PDE1C: variants seen among roughly 807,000 people sequenced by gnomAD.
The protein encoded by PDE1C is phosphodiesterase 1C.
Under a neutral mutation model 93.1 loss-of-function variants are expected in PDE1C, and 62 were observed. The ratio of observed to expected loss-of-function variants is 0.67; its 90% confidence interval spans 0.54 to 0.82. The LOEUF is 0.82. PDE1C is among the 40% of genes least tolerant of loss of function. The pLI is 0.00. For synonymous variants in PDE1C, 325 were observed against 310.1 expected (o/e 1.05, Z -0.50); for missense variants, 742 against 884.6 (o/e 0.84, Z 2.04).
intron 2 of PDE1C, among the ~76,000 whole-genome samples, chr7:32,192,004 G>A (rs73104570): frequency 0.099 from 15,005 of 151,794 alleles, 871 homozygotes; most frequent in South Asian, 0.18. Context: ...ATTTGCCATC[G>A]GTATATTTTC....
At chr7:32,145,969 G>A (rs6958392) in intron 3 of PDE1C, among the ~76,000 whole-genome samples, 1,860 of 152,228 alleles carry the variant, frequency 0.012, 37 homozygotes, top group African/African-American at 0.043. Context: ...TTATCTGCGG[G>A]CCTTTAGATT....
At chr7:32,407,105 C>T (rs1303087122) in intron 1 of PDE1C, among the ~76,000 whole-genome samples, 1 of 152,154 alleles carries the variant, frequency 6.6e-6, no homozygotes, top group Non-Finnish European at 1.5e-5. Flanking sequence ...GAAACCCTGC[C>T]TCTACTAAAA....
chr7:32,321,303 A>C (rs1196330942), intron 1 of PDE1C, among the ~76,000 whole-genome samples: 1 of 152,248 alleles, frequency 6.6e-6, no homozygotes, highest in Admixed American at 6.5e-5. Context: ...GATGAGTTTC[A>C]AAAGGAAGAA....
At chr7:31,648,702 C>A in the PDE1C span, among the ~76,000 whole-genome samples, 1 of 152,190 alleles carries the variant, frequency 6.6e-6, no homozygotes, top group Non-Finnish European at 1.5e-5. Flanking sequence ...GTCCCCAGAA[C>A]TTTGAAGTGA....
intron 9 of PDE1C, among the ~76,000 whole-genome samples, chr7:31,839,034 TAC>T (rs1019981096): frequency 2.0e-5 from 3 of 148,386 alleles, no homozygotes; most frequent in Non-Finnish European, 4.5e-5. Flanking sequence ...ATATATTATA[TAC>T]ACATATATTT....
intron 1 of PDE1C, among the ~76,000 whole-genome samples, chr7:32,067,882 T>G (rs965486908): frequency 2.0e-5 from 3 of 152,240 alleles, no homozygotes; most frequent in Admixed American, 6.5e-5. Context: ...ATCTACTATG[T>G]GCTAAATGCT....
At chr7:32,140,717 T>A (rs1800473392) in intron 3 of PDE1C, among the ~76,000 whole-genome samples, 1 of 152,158 alleles carries the variant, frequency 6.6e-6, no homozygotes, top group Admixed American at 6.6e-5. Flanking sequence ...GCACACCTTT[T>A]ACCCACTTCC....
intron 2 of PDE1C, among the ~76,000 whole-genome samples, chr7:31,893,224 T>C (rs1798863229): frequency 6.6e-6 from 1 of 152,142 alleles, no homozygotes; most frequent in South Asian, 2.1e-4. Context: ...TTCCAATAAG[T>C]AGGAAAACAA....
chr7:31,624,955 G>A, the PDE1C span, among the ~76,000 whole-genome samples: 1 of 152,140 alleles, frequency 6.6e-6, no homozygotes, highest in African/African-American at 2.4e-5. Flanking sequence ...ATCAAAAAGT[G>A]GGCAAAGGAC....
At chr7:32,024,396 C>CAT (rs914035304) in intron 2 of PDE1C, among the ~76,000 whole-genome samples, 2 of 147,464 alleles carry the variant, frequency 1.4e-5, no homozygotes, top group African/African-American at 5.3e-5. Flanking sequence ...TCTCAATATA[C>CAT]ATATGTGTGT....
intron 3 of PDE1C, among the ~76,000 whole-genome samples, chr7:32,119,722 G>T (rs995651090): frequency 6.6e-6 from 1 of 152,124 alleles, no homozygotes. Context: ...CAAGGCCGGC[G>T]GTGAGTGAGC....
intron 2 of PDE1C, among the ~76,000 whole-genome samples, chr7:32,190,663 T>C (rs369607147): frequency 1.4e-3 from 208 of 152,276 alleles, no homozygotes; most frequent in African/African-American, 4.9e-3. Flanking sequence ...TCAGTCCAAT[T>C]AAACAAACAT....
intron 1 of PDE1C, among the ~76,000 whole-genome samples, chr7:32,307,744 C>T (rs979629384): frequency 4.6e-5 from 7 of 152,232 alleles, no homozygotes; most frequent in African/African-American, 1.2e-4. Flanking sequence ...AAAGCGGGCC[C>T]GAGGTGGAGC....
At chr7:31,749,739 T>G (rs537646744), downstream of PDE1C, among the ~76,000 whole-genome samples, 5,032 of 144,570 alleles carry the variant, frequency 0.035, 140 homozygotes, top group African/African-American at 0.066. Flanking sequence ...TGTCTAATTT[T>G]TTTTTTTTTT....
intron 2 of PDE1C, among the ~76,000 whole-genome samples, chr7:32,005,576 A>AC (rs1786111382): frequency 6.9e-6 from 1 of 145,292 alleles, no homozygotes; most frequent in South Asian, 2.2e-4. Context: ...AAAAAAAAAA[A>AC]AAAAAGAATT....
At chr7:32,301,833 T>C (rs1362944099), upstream of PDE1C, among the ~76,000 whole-genome samples, 1 of 152,262 alleles carries the variant, frequency 6.6e-6, no homozygotes, top group Non-Finnish European at 1.5e-5. Context: ...GAGCAGGATT[T>C]GACAAATTAA....
intron 2 of PDE1C, among the ~76,000 whole-genome samples, chr7:31,922,743 G>A (rs184141664): frequency 6.6e-6 from 1 of 152,016 alleles, no homozygotes; most frequent in East Asian, 1.9e-4. Flanking sequence ...GAGAAACAGT[G>A]GAAGAAACAA....
chr7:31,638,812 TG>T, the PDE1C span, among the ~76,000 whole-genome samples: 3 of 152,230 alleles, frequency 2.0e-5, no homozygotes, highest in Non-Finnish European at 4.4e-5. Flanking sequence ...AGACTTGCTC[TG>T]TCGCCCAGGC....
At chr7:31,892,006 ACT>A (rs1798708700) in intron 2 of PDE1C, among the ~76,000 whole-genome samples, 1 of 152,166 alleles carries the variant, frequency 6.6e-6, no homozygotes, top group Admixed American at 6.5e-5. Flanking sequence ...CAATAATGTG[ACT>A]CTACAATTAT....
Sources: allele counts gnomAD v4.1 joint callset (sites outside exome capture counted in the v4.1 genomes callset), GRCh38; gene constraint gnomAD v4.1.1; transcripts MANE v1.5; gene names NCBI Gene and HGNC (gene_info 2026-07-23, HGNC 2026-07-21).